The following RAB2A variants were observed in gnomAD, a reference collection of about 807,000 sequenced individuals.
The protein encoded by RAB2A is RAB2A, member RAS oncogene family, also known as ras-related protein Rab-2A.
In RAB2A, 7 loss-of-function variants were observed where a neutral mutation model predicts 32.5. The ratio of observed to expected loss-of-function variants is 0.22; its 90% CI spans 0.12 to 0.40. RAB2A has a LOEUF of 0.40. Ranked by LOEUF, RAB2A falls within the 10% of genes least tolerant of loss-of-function variation. RAB2A has a pLI of 1.00. For missense variants in RAB2A, 108 were observed against 260.7 expected (o/e 0.41, Z 4.03); for synonymous variants, 79 against 85.2 (o/e 0.93, Z 0.40).
chr8:60,520,077 CCT>C (rs1438750797), intron 1 of RAB2A, among the ~76,000 whole-genome samples: 2 of 152,122 alleles, frequency 1.3e-5, no homozygotes, highest in African/African-American at 4.8e-5. Context: ...TTTCTGTTTC[CCT>C]GTTTCCGTAA....
At chr8:60,535,147 A>G (rs1208992742) in intron 1 of RAB2A, among the ~76,000 whole-genome samples, 2 of 152,238 alleles carry the variant, frequency 1.3e-5, no homozygotes, top group Non-Finnish European at 2.9e-5. Flanking sequence ...TTCACAGTGC[A>G]TTATTTTACT....
intron 1 of RAB2A, among the ~76,000 whole-genome samples, chr8:60,525,979 CTATATGTATATATGTCTATATGTA>C (rs1215945566): frequency 8.6e-6 from 1 of 116,262 alleles, no homozygotes; most frequent in African/African-American, 3.2e-5. Context: ...GTCTATATGT[CTATATGTATATATGTCTATATGTA>C]TATATGTGTG....
chr8:60,526,523 A>G (rs1807391924), intron 1 of RAB2A, among the ~76,000 whole-genome samples: 1 of 152,156 alleles, frequency 6.6e-6, no homozygotes, highest in African/African-American at 2.4e-5. Context: ...TCCCCATCTC[A>G]AGGTCTAATC....
chr8:60,562,386 T>A (rs1176888434), intron 2 of RAB2A, among the ~76,000 whole-genome samples: 1 of 152,218 alleles, frequency 6.6e-6, no homozygotes. Flanking sequence ...AAGTCCCATC[T>A]TTTTACCTGC....
chr8:60,598,843 G>A (rs1804076123), intron 6 of RAB2A, among the ~76,000 whole-genome samples: 1 of 145,422 alleles, frequency 6.9e-6, no homozygotes, highest in Admixed American at 7.2e-5. Context: ...GCAAAAGGTC[G>A]AAGGCCTTGT....
At chr8:60,538,929 T>C (rs142606638) in intron 1 of RAB2A, among the ~76,000 whole-genome samples, 26 of 152,350 alleles carry the variant, frequency 1.7e-4, no homozygotes, top group African/African-American at 5.5e-4. Context: ...CAGATAATGA[T>C]ACAGATACAA....
Position 60,546,315 on chromosome 8 carries a change from C to T in RAB2A, c.47-12537C>T, listed in dbSNP as rs75964318. ...TCTAGTTAGTGATATTTCCTACTTG[C>T]GATAGCTGAGAAAATTTGAGGTGCA... On this transcript the variant is annotated intron_variant, in intron 1 of 7. Transcript: ENST00000262646. 4.7e-3 allele frequency among the ~76,000 whole-genome samples: 710 copies of T among 152,270 alleles called. 5 individuals are homozygous for T. The highest frequency in any genetic ancestry group is 0.016 in the African/African-American group (661 of 41,558).
intron 5 of RAB2A, among the ~76,000 whole-genome samples, chr8:60,586,232 G>A (rs1325622445): frequency 6.6e-6 from 1 of 152,066 alleles, no homozygotes; most frequent in East Asian, 1.9e-4. Flanking sequence ...GCCCAGTTGA[G>A]GCTGCAGTGA....
chr8:60,561,947 A>C (rs1006011174), intron 2 of RAB2A, among the ~76,000 whole-genome samples: 6 of 152,178 alleles, frequency 3.9e-5, no homozygotes, highest in African/African-American at 1.4e-4. Flanking sequence ...TCCTGAGCTC[A>C]TGATTCTTCT....
At chr8:60,571,910 G>T in intron 2 of RAB2A, 136 bp from the exon 3 acceptor site, 1 of 511,034 alleles carries the variant, frequency 2.0e-6, no homozygotes, top group Non-Finnish European at 3.5e-6. Context: ...TCTAAGTATA[G>T]GAACTGCATT....
intron 6 of RAB2A, among the ~76,000 whole-genome samples, chr8:60,593,396 G>T (rs1175039218): frequency 6.6e-6 from 1 of 152,154 alleles, no homozygotes. Flanking sequence ...ACCTAGAAAG[G>T]TCAACAGGCA....
chr8:60,541,633 G>T (rs1423043309), intron 1 of RAB2A, among the ~76,000 whole-genome samples: 1 of 152,176 alleles, frequency 6.6e-6, no homozygotes, highest in African/African-American at 2.4e-5. Context: ...AGGTTGCAGT[G>T]AGCTAAGATC....
At chr8:60,614,260 T>G (rs577273214) in intron 6 of RAB2A, among the ~76,000 whole-genome samples, 1 of 151,718 alleles carries the variant, frequency 6.6e-6, no homozygotes, top group East Asian at 1.9e-4. Flanking sequence ...CAGAAAGTTT[T>G]TTTCTTCCAT....
chr8:60,537,686 T>C (rs562056367), intron 1 of RAB2A, among the ~76,000 whole-genome samples: 1 of 152,256 alleles, frequency 6.6e-6, no homozygotes, highest in South Asian at 2.1e-4. Context: ...TTTTCTTTTT[T>C]ATTTTATTTT....
At chr8:60,519,450 T>C (rs1262191665) in intron 1 of RAB2A, among the ~76,000 whole-genome samples, 1 of 152,210 alleles carries the variant, frequency 6.6e-6, no homozygotes, top group Non-Finnish European at 1.5e-5. Flanking sequence ...CTGTGGAAGA[T>C]CCATCAGTCC....
chr8:60,523,311 C>G (rs1807329629), intron 1 of RAB2A, among the ~76,000 whole-genome samples: 3 of 152,030 alleles, frequency 2.0e-5, no homozygotes, highest in Non-Finnish European at 2.9e-5. Flanking sequence ...GCGCCCGCCA[C>G]CACGCCCGGC....
intron 5 of RAB2A, among the ~76,000 whole-genome samples, chr8:60,589,231 C>T (rs945296137): frequency 6.6e-6 from 1 of 152,114 alleles, no homozygotes; most frequent in South Asian, 2.1e-4. Context: ...TGGTCACCGA[C>T]CACTAGGAGC....
At chr8:60,532,874 G>A (rs2130811599) in intron 1 of RAB2A, among the ~76,000 whole-genome samples, 1 of 152,320 alleles carries the variant, frequency 6.6e-6, no homozygotes, top group South Asian at 2.1e-4. Flanking sequence ...TAGGCAAGCG[G>A]GAAGGAGCAT....
intron 1 of RAB2A, among the ~76,000 whole-genome samples, chr8:60,547,536 C>G (rs1369748505): frequency 1.3e-5 from 2 of 150,598 alleles, no homozygotes; most frequent in Non-Finnish European, 3.0e-5. Flanking sequence ...CTGACTCCCC[C>G]CACCTCCCTC....
Sources: gnomAD v4.1 joint callset for allele counts (sites outside exome capture counted in the v4.1 genomes callset) on GRCh38, gnomAD v4.1.1 for gene constraint, MANE v1.5 for transcripts, NCBI Gene and HGNC (gene_info 2026-07-23, HGNC 2026-07-21) for gene names.